Variants in DNMBP observed in about 807,000 individuals in gnomAD.
The protein encoded by DNMBP is dynamin-binding protein.
Under a neutral mutation model 150.0 loss-of-function variants are expected in DNMBP, and 87 were observed. That is an observed-to-expected ratio of 0.58 (90% confidence interval 0.49 to 0.69). DNMBP has a LOEUF of 0.69. Among genes scored for constraint, DNMBP ranks in the 30% least tolerant of loss-of-function variants. The pLI, the probability that DNMBP is intolerant of heterozygous loss-of-function variation, is 0.00. For missense variants in DNMBP, 1,774 were observed against 1,949.0 expected, an observed-to-expected ratio of 0.91 and a Z score of 1.69; for synonymous variants, 711 against 750.4, an observed-to-expected ratio of 0.95 and a Z score of 0.86.
intron 16 of DNMBP, among the ~76,000 whole-genome samples, chr10:99,877,983 A>G (rs1182930524): frequency 6.6e-6 from 1 of 151,964 alleles, no homozygotes; most frequent in South Asian, 2.1e-4. Flanking sequence ...AATAAGCATG[A>G]TGGTGAACAC....
intron 6 of DNMBP, among the ~76,000 whole-genome samples, chr10:99,903,169 G>A (rs1475523260): frequency 2.7e-5 from 4 of 146,198 alleles, no homozygotes; most frequent in East Asian, 2.0e-4. Flanking sequence ...TTGAACTCCT[G>A]GCCTCAAGCA....
chr10:99,908,637 C>G (rs987052027), intron 5 of DNMBP, among the ~76,000 whole-genome samples: 4 of 152,186 alleles, frequency 2.6e-5, no homozygotes, highest in Admixed American at 2.0e-4. Flanking sequence ...GGTTTTGTTA[C>G]ATCATCACTC....
intron 1 of DNMBP, among the ~76,000 whole-genome samples, chr10:99,985,721 T>C (rs1298691672): frequency 6.6e-6 from 1 of 152,182 alleles, no homozygotes; most frequent in African/African-American, 2.4e-5. Flanking sequence ...CAAGAGCTCA[T>C]ACAAGACAAC....
chr10:99,950,903 GCAGC>G (rs2040414389), intron 4 of DNMBP, among the ~76,000 whole-genome samples: 1 of 152,210 alleles, frequency 6.6e-6, no homozygotes, highest in Non-Finnish European at 1.5e-5. Flanking sequence ...TAAGTAATGA[GCAGC>G]CAAATGTTAA....
chr10:99,964,550 T>C (rs1229030781), intron 3 of DNMBP, among the ~76,000 whole-genome samples: 1 of 151,642 alleles, frequency 6.6e-6, no homozygotes, highest in African/African-American at 2.4e-5. Flanking sequence ...ATTCTTCTTC[T>C]AAGAGACAGA....
Position 99,900,081 on chromosome 10 carries a change from C to T in DNMBP, c.2555-15G>A. The T allele has an allele frequency of 6.2e-7, 1 of 1,613,896 alleles. No homozygotes were observed. On this transcript the variant is annotated splice_polypyrimidine_tract_variant and intron_variant, in intron 6 of 16. Coordinates refer to ENST00000324109, the MANE Select transcript of DNMBP (RefSeq NM_015221.4). Reference sequence around the variant, plus strand: ...AAACACAGGTCCTTTGGAATACACACAAACATACAGTGTTTTTAGTAAACT... The same window carrying T: ...AAACACAGGTCCTTTGGAATACACATAAACATACAGTGTTTTTAGTAAACT...
chr10:99,948,563 C>T (rs1255660546), intron 4 of DNMBP, among the ~76,000 whole-genome samples: 1 of 152,102 alleles, frequency 6.6e-6, no homozygotes, highest in Non-Finnish European at 1.5e-5. Flanking sequence ...GAGCCTAGAC[C>T]ACAAAAATGA....
intron 4 of DNMBP, among the ~76,000 whole-genome samples, chr10:99,954,732 G>A (rs11593911): frequency 0.35 from 41,541 of 118,328 alleles, 6,560 homozygotes; most frequent in Admixed American, 0.39. Context: ...CAACAAGAGC[G>A]AAACTCTGTC....
At chr10:99,891,593 AC>A (rs1239598211) in intron 11 of DNMBP, among the ~76,000 whole-genome samples, 2 of 147,466 alleles carry the variant, frequency 1.4e-5, no homozygotes, top group Non-Finnish European at 3.0e-5. Flanking sequence ...CCCGGCCGCC[AC>A]CCCGTCTGGG....
chr10:99,930,905 T>C (rs994640209), intron 4 of DNMBP: 1 of 554,730 alleles, frequency 1.8e-6, no homozygotes, highest in African/African-American at 1.9e-5. Flanking sequence ...TTCTCGTTGC[T>C]CTAGTCGGAG....
Position 99,962,417 on chromosome 10 carries a change from G to A in DNMBP, c.269-5212C>T, listed in dbSNP as rs530187613. ...GACGCCGAGGCAGGGGGATCACGAGGTCAGGAGATTGAGACCATCCTGGCT... is the reference window on the plus strand; with the variant it reads ...GACGCCGAGGCAGGGGGATCACGAGATCAGGAGATTGAGACCATCCTGGCT... On this transcript the variant is annotated intron_variant, in intron 3 of 16. Coordinates refer to ENST00000324109, the MANE Select transcript of DNMBP (RefSeq NM_015221.4). Among the ~76,000 whole-genome samples the A allele has an allele frequency of 9.7e-4, 147 of 152,324 alleles. 1 individual carries two copies. Among genetic ancestry groups the A allele is most frequent in the African/African-American group, 3.1e-3 (130 of 41,574 alleles).
chr10:100,007,787 T>C (rs2041091364), intron 1 of DNMBP, among the ~76,000 whole-genome samples: 1 of 152,262 alleles, frequency 6.6e-6, no homozygotes, highest in African/African-American at 2.4e-5. Flanking sequence ...ACTTTCTGCC[T>C]TTCCAGGCAA....
At chr10:100,004,086 A>G (rs1005788178) in intron 1 of DNMBP, among the ~76,000 whole-genome samples, 23 of 149,744 alleles carry the variant, frequency 1.5e-4, no homozygotes, top group African/African-American at 5.6e-4. Flanking sequence ...ACAAAAAAAA[A>G]AAAGAAAAAT....
rs3750715 is a variant in DNMBP, at chr10:99,956,727, G to A, written c.747C>T (p.Val249=). The A allele has an allele frequency of 0.021, 34,203 of 1,613,988 alleles. 2,533 individuals are homozygous for A. The East Asian group carries it at 0.3, about 14-fold the overall frequency. Residue 249 remains valine (V), a synonymous_variant, in exon 4 of 17, where the codon GTC becomes GTT. Coordinates refer to ENST00000324109, the MANE Select transcript of DNMBP (RefSeq NM_015221.4). ...CCAGGGCTTGGAATCTGTACAGGGC[G>A]ACCCCATAGGTCCCTGGCTCCTCCT... ...EDEEEPGTYG[V]ALYRFQALEP...
chr10:99,910,348 C>A (rs1052879939), intron 4 of DNMBP, among the ~76,000 whole-genome samples: 1 of 152,194 alleles, frequency 6.6e-6, no homozygotes, highest in African/African-American at 2.4e-5. Flanking sequence ...TCGAGACCAG[C>A]CTGGCCAACA....
chr10:99,930,314 C>A (rs1380366304), intron 4 of DNMBP: 1 of 702,882 alleles, frequency 1.4e-6, no homozygotes, highest in East Asian at 2.7e-5. Flanking sequence ...TTTTAGAGTC[C>A]TCAGGATTAT....
intron 4 of DNMBP, among the ~76,000 whole-genome samples, chr10:99,924,414 G>T (rs2040056178): frequency 6.6e-6 from 1 of 152,206 alleles, no homozygotes; most frequent in Non-Finnish European, 1.5e-5. Flanking sequence ...CTGCACTCCA[G>T]CCCGGGCGAC....
rs1413871428 is a variant in DNMBP at position 99,944,313 on chromosome 10, T to C, written c.2260+10901A>G. Among the ~76,000 whole-genome samples, 4 of 152,276 alleles carry C rather than the reference T, an allele frequency of 2.6e-5. No individual in the cohort carries two copies. In the East Asian group the frequency reaches 7.7e-4, roughly 29 times the overall value. ...TGGCTCATCATGTGTGCTCAAGAAA[T>C]ATACACTGAATAAAGAAATGAATGC... On this transcript the variant is annotated intron_variant, in intron 4 of 16. Transcript: ENST00000324109.
chr10:99,940,746 T>C (rs896949917), intron 4 of DNMBP, among the ~76,000 whole-genome samples: 8 of 152,076 alleles, frequency 5.3e-5, no homozygotes, highest in African/African-American at 1.9e-4. Flanking sequence ...CCTCTCATTT[T>C]CTCTTTAATC....
Sources: allele counts gnomAD v4.1 joint callset (sites outside exome capture counted in the v4.1 genomes callset), GRCh38; gene constraint gnomAD v4.1.1; transcripts MANE v1.5; gene names NCBI Gene and HGNC (gene_info 2026-07-23, HGNC 2026-07-21).